Variants in IFNAR2 observed in about 807,000 individuals in gnomAD.
IFNAR2 encodes the protein interferon alpha and beta receptor subunit 2.
Under a neutral mutation model 49.4 loss-of-function variants are expected in IFNAR2, and 30 were observed. The observed-to-expected ratio is 0.61, with a 90% CI of 0.45 to 0.82. The LOEUF (loss-of-function observed/expected upper bound fraction) is 0.82. IFNAR2 is among the 40% of genes least tolerant of loss of function. IFNAR2 has a pLI of 0.00. For synonymous variants in IFNAR2, 224 were observed against 234.5 expected, an observed-to-expected ratio of 0.96 and a Z score of 0.41; for missense variants, 600 against 622.7, an observed-to-expected ratio of 0.96 and a Z score of 0.39.
At chr21:33,238,752 A>G (rs1359033520) in intron 1 of IFNAR2, among the ~76,000 whole-genome samples, 1 of 148,338 alleles carries the variant, frequency 6.7e-6, no homozygotes. Flanking sequence ...GATGTGACTC[A>G]TATCACAGTT....
At chr21:33,261,697 A>C (rs750312030) in intron 8 of IFNAR2, among the ~76,000 whole-genome samples, 48 of 152,034 alleles carry the variant, frequency 3.2e-4, no homozygotes, top group Non-Finnish European at 6.8e-4. Context: ...CAATATAAGG[A>C]AACCTTGTCT....
chr21:33,243,598 T>C (rs1601797613), intron 2 of IFNAR2, 75 bp from the exon 3 acceptor site: 2 of 1,283,750 alleles, frequency 1.6e-6, no homozygotes, highest in East Asian at 2.3e-5. Context: ...TTAAAGAATG[T>C]CAGACTTAGA....
At chr21:33,237,934 A>T (rs1825824942) in intron 1 of IFNAR2, among the ~76,000 whole-genome samples, 1 of 152,200 alleles carries the variant, frequency 6.6e-6, no homozygotes. Context: ...GAGATAAAGC[A>T]GATAAGCCAT....
At position 33,244,472 on chromosome 21, in the gene IFNAR2, G is replaced by A. The variant is rs954563586; in HGVS notation, c.98-479G>A. On this transcript the variant is annotated intron_variant, in intron 3 of 8. Transcript: ENST00000342136. Reference sequence around the variant, plus strand: ...ACTCCCCTGCTCTCTGTGATCCAGGGAATAAGTGAGCTGGGGAATCCAGAG... The same window carrying A: ...ACTCCCCTGCTCTCTGTGATCCAGGAAATAAGTGAGCTGGGGAATCCAGAG... Among the ~76,000 whole-genome samples, 32 of 152,212 alleles carry A rather than the reference G, an allele frequency of 2.1e-4. 1 individual carries two copies. Among genetic ancestry groups the A allele is most frequent in the African/African-American group, 7.5e-4 (31 of 41,444 alleles).
intron 7 of IFNAR2, among the ~76,000 whole-genome samples, chr21:33,253,898 A>G (rs543016870): frequency 1.4e-4 from 21 of 152,170 alleles, no homozygotes; most frequent in African/African-American, 4.8e-4. Flanking sequence ...CAAGGTCTTT[A>G]CCAACGGTAT....
intron 3 of IFNAR2, among the ~76,000 whole-genome samples, 182 bp from the exon 4 acceptor site, chr21:33,244,769 G>A (rs17860256): frequency 0.014 from 2,082 of 152,222 alleles, 20 homozygotes; most frequent in South Asian, 0.05. Flanking sequence ...TATGTTGCTC[G>A]TTAATTGACT....
intron 6 of IFNAR2, among the ~76,000 whole-genome samples, chr21:33,251,080 G>A (rs905858533): frequency 6.6e-6 from 1 of 152,180 alleles, no homozygotes; most frequent in Non-Finnish European, 1.5e-5. Context: ...CTTGGTGCAT[G>A]TTGAATGCCC....
At chr21:33,235,944 A>T (rs958469015) in intron 1 of IFNAR2, among the ~76,000 whole-genome samples, 4 of 152,154 alleles carry the variant, frequency 2.6e-5, no homozygotes, top group African/African-American at 7.2e-5. Flanking sequence ...AAAATAAAAT[A>T]AAAAATAAAA....
In IFNAR2 at chr21:33,247,246, C is replaced by CTTT. The variant is rs71194830; in HGVS notation, c.394+357_394+359dup. 1.0e-3 allele frequency among the ~76,000 whole-genome samples: 103 copies of CTTT among 101,220 alleles called. 1 individual carries two copies. Among genetic ancestry groups the CTTT allele is most frequent in the African/African-American group, 1.5e-3 (38 of 25,078 alleles). 66.4% of individuals were successfully genotyped at this position (101,220 alleles called of 152,430 possible). A position where few individuals can be genotyped will look rare whatever the true frequency, so the allele number is the denominator to read the frequency against. On this transcript the variant is annotated intron_variant, in intron 5 of 8. Transcript: ENST00000342136. Reference sequence around the variant, plus strand: ...GGCCCAGGATTTTCTTTCTTTCTTTCTTTCTTTCTTTTTTTTTTTTTTTGA... The same window carrying CTTT: ...GGCCCAGGATTTTCTTTCTTTCTTTCTTTTTTCTTTCTTTTTTTTTTTTTTTGA...
rs185586873 is a variant in IFNAR2, at chr21:33,263,059, C to T, written c.1107C>T (p.Asp369=). 4.3e-6 allele frequency: 7 copies of T among 1,614,014 alleles called. No individual in the cohort carries two copies. Among genetic ancestry groups the T allele is most frequent in the Non-Finnish European group, 5.9e-6 (7 of 1,180,036 alleles). The change falls in exon 9 of 9, where the codon GAC becomes GAT. Residue 369 remains aspartate (D), a synonymous_variant. Coordinates refer to ENST00000342136, the MANE Select transcript of IFNAR2 (RefSeq NM_001289125.3). ...LIDPESEEEP[D]LPEVDVELPT... ...ACCCGGAGTCCGAGGAGGAGCCTGACCTGCCTGAGGTTGATGTGGAGCTCC... is the reference window on the plus strand; with the variant it reads ...ACCCGGAGTCCGAGGAGGAGCCTGATCTGCCTGAGGTTGATGTGGAGCTCC...
chr21:33,236,978 G>A (rs1250003565), intron 1 of IFNAR2: 1 of 688,696 alleles, frequency 1.5e-6, no homozygotes. Context: ...TATTTTCCAA[G>A]CAAGAAGAAT....
In IFNAR2 at chr21:33,263,524, G is replaced by A. The variant is rs955070761; in HGVS notation, c.*24G>A. 2 of 1,577,228 alleles carry A rather than the reference G, an allele frequency of 1.3e-6. No homozygotes were observed. Among genetic ancestry groups the A allele is most frequent in the African/African-American group, 2.7e-5 (2 of 73,886 alleles). ...GACTCCAAAACTATTGAATGAACTT[G>A]GACAGACAAGCACCTACAGGGTTCT... On this transcript the variant is annotated 3_prime_UTR_variant, in exon 9 of 9. Coordinates refer to ENST00000342136, the MANE Select transcript of IFNAR2 (RefSeq NM_001289125.3).
intron 7 of IFNAR2, among the ~76,000 whole-genome samples, chr21:33,254,571 G>T (rs1330496656): frequency 6.6e-6 from 1 of 152,172 alleles, no homozygotes; most frequent in African/African-American, 2.4e-5. Flanking sequence ...TTTACAGTCT[G>T]TTCTCTCTGA....
At chr21:33,251,984 G>A (rs1045282986) in intron 6 of IFNAR2, among the ~76,000 whole-genome samples, 111 of 152,358 alleles carry the variant, frequency 7.3e-4, no homozygotes, top group African/African-American at 2.6e-3. Context: ...TCAGGAGACT[G>A]AGGCAAGAGA....
In IFNAR2 at chr21:33,262,878, G is replaced by A. The variant is rs547496647; in HGVS notation, c.926G>A (p.Arg309Lys). The A allele has an allele frequency of 2.5e-6, 4 of 1,613,796 alleles. No homozygotes were observed. In the South Asian group the frequency reaches 3.3e-5, roughly 13 times the overall value. ...ATGGTGGAGGTCATTTACATCAACA[G>A]AAAGAAGAAAGTGTGGGATTATAAT... ...MDMVEVIYIN[R>K]KKKVWDYNYD... Residue 309 changes from arginine to lysine, a missense_variant, in exon 9 of 9, where the codon AGA becomes AAA. Transcript: ENST00000342136.
At chr21:33,253,255 T>C (rs1987985660) in intron 7 of IFNAR2, among the ~76,000 whole-genome samples, 1 of 152,318 alleles carries the variant, frequency 6.6e-6, no homozygotes, top group South Asian at 2.1e-4. Context: ...TGGCATCAGC[T>C]CTCGCTCATA....
In IFNAR2 at chr21:33,263,147, AAG is replaced by A. The variant is rs759005973; in HGVS notation, c.1198_1199del (p.Pro401ThrfsTer35). The A allele has an allele frequency of 6.2e-7, 1 of 1,614,202 alleles. No homozygotes were observed. The highest frequency in any genetic ancestry group is 8.5e-7 in the Non-Finnish European group (1 of 1,180,040). On this transcript the variant is annotated frameshift_variant, in exon 9 of 9. Transcript: ENST00000342136. LOFTEE classifies it high-confidence loss of function. ...ELLSGPCERR[K>X]SPLQDPFPEE... is the part of the protein sequence containing the mutation. ...CTTGAGTGGGCCCTGTGAGAGGAGA[AAG>A]AGTCCACTCCAGGACCCTTTTCCCG...
chr21:33,261,613 G>A (rs1217480440), intron 8 of IFNAR2, among the ~76,000 whole-genome samples: 2 of 152,158 alleles, frequency 1.3e-5, no homozygotes, highest in Non-Finnish European at 1.5e-5. Context: ...AGTGGCTCAC[G>A]CCTGTAATCT....
intron 1 of IFNAR2, among the ~76,000 whole-genome samples, chr21:33,237,867 C>T (rs1048353524): frequency 1.3e-5 from 2 of 152,112 alleles, no homozygotes; most frequent in African/African-American, 2.4e-5. Context: ...TGAACTTCGT[C>T]TTGTGAAGTC....
Sources: gnomAD v4.1 joint callset for allele counts (sites outside exome capture counted in the v4.1 genomes callset) on GRCh38, gnomAD v4.1.1 for gene constraint, MANE v1.5 for transcripts, NCBI Gene and HGNC (gene_info 2026-07-23, HGNC 2026-07-21) for gene names.